TRPM6: variants seen among roughly 807,000 people sequenced by gnomAD.
The protein encoded by TRPM6 is channel kinase 2.
In TRPM6, 111 loss-of-function variants were observed where a neutral mutation model predicts 247.6. That is an observed-to-expected ratio of 0.45 (90% confidence interval 0.38 to 0.52). The LOEUF is 0.52. TRPM6 is among the 20% of genes least tolerant of loss of function. The probability of loss-of-function intolerance (pLI) is 0.00; values close to 1 mark genes in which losing one functional copy is unlikely to be tolerated. For missense variants in TRPM6, 2,126 were observed against 2,421.5 expected, an observed-to-expected ratio of 0.88 and a Z score of 2.56; for synonymous variants, 892 against 853.8, an observed-to-expected ratio of 1.04 and a Z score of -0.78.
chr9:74,827,753 G>A (rs1829392313), intron 7 of TRPM6, 25 bp downstream of exon 7: 2 of 1,613,356 alleles, frequency 1.2e-6, no homozygotes, highest in Non-Finnish European at 1.7e-6. Context: ...ACCAGACTGG[G>A]TGACTGAGCC....
chr9:74,770,944 C>G (rs1297815004), intron 25 of TRPM6, among the ~76,000 whole-genome samples: 1 of 152,200 alleles, frequency 6.6e-6, no homozygotes, highest in Non-Finnish European at 1.5e-5. Flanking sequence ...CTCTGCTTCT[C>G]CTATTCTGTC....
intron 37 of TRPM6, 112 bp from the exon 38 acceptor site, chr9:74,728,457 G>A: frequency 1.0e-5 from 8 of 781,614 alleles, no homozygotes; most frequent in South Asian, 2.9e-5. Flanking sequence ...ACTTGAAGGA[G>A]CCAACAAAAA....
chr9:74,741,851 T>C (rs753343811), intron 33 of TRPM6, among the ~76,000 whole-genome samples: 29 of 151,638 alleles, frequency 1.9e-4, no homozygotes, highest in Admixed American at 9.9e-4. Flanking sequence ...GATCCCGCCA[T>C]TGCACTCCAG....
chr9:74,825,512 T>C (rs1312181884), intron 7 of TRPM6, among the ~76,000 whole-genome samples: 1 of 151,888 alleles, frequency 6.6e-6, no homozygotes, highest in Non-Finnish European at 1.5e-5. Flanking sequence ...TGGCTTCTTG[T>C]TTTTGCTGTT....
At chr9:74,859,848 G>T (rs1236461365) in intron 1 of TRPM6, among the ~76,000 whole-genome samples, 1 of 151,606 alleles carries the variant, frequency 6.6e-6, no homozygotes, top group South Asian at 2.1e-4. Context: ...ATGAAAGGAA[G>T]GCTTTCTAAA....
intron 28 of TRPM6, among the ~76,000 whole-genome samples, chr9:74,753,884 C>T (rs903392189): frequency 1.3e-5 from 2 of 152,080 alleles, no homozygotes; most frequent in Admixed American, 6.6e-5. Flanking sequence ...GCCGGGCACT[C>T]GGATCAACCT....
At chr9:74,886,512 T>A (rs1439915297) in intron 1 of TRPM6, among the ~76,000 whole-genome samples, 1 of 150,770 alleles carries the variant, frequency 6.6e-6, no homozygotes, top group Non-Finnish European at 1.5e-5. Context: ...TCTTTTTTTC[T>A]CTTTTTTTTT....
At chr9:74,745,462 CGT>C (rs377055848) in intron 31 of TRPM6, among the ~76,000 whole-genome samples, 458 of 145,162 alleles carry the variant, frequency 3.2e-3, no homozygotes, top group African/African-American at 8.6e-3. Context: ...TGTGTGTGTG[CGT>C]GTGTGTGTGT....
chr9:74,846,749 A>AC (rs1830122040), intron 3 of TRPM6, among the ~76,000 whole-genome samples: 2 of 152,080 alleles, frequency 1.3e-5, no homozygotes, highest in Non-Finnish European at 2.9e-5. Flanking sequence ...GGGTTTCACC[A>AC]TGTTGCCCAG....
At chr9:74,822,604 A>G (rs905983222) in intron 7 of TRPM6, among the ~76,000 whole-genome samples, 2 of 152,060 alleles carry the variant, frequency 1.3e-5, no homozygotes, top group Non-Finnish European at 2.9e-5. Flanking sequence ...TAGGATGACA[A>G]CACTCAAAGA....
chr9:74,880,017 G>C (rs527740735), intron 1 of TRPM6, among the ~76,000 whole-genome samples: 41 of 152,054 alleles, frequency 2.7e-4, no homozygotes, highest in South Asian at 6.2e-4. Flanking sequence ...AACTGAATTG[G>C]AAGACACCTA....
intron 1 of TRPM6, among the ~76,000 whole-genome samples, chr9:74,878,353 A>G (rs1350772119): frequency 6.6e-6 from 1 of 152,176 alleles, no homozygotes; most frequent in African/African-American, 2.4e-5. Flanking sequence ...CAGTGTCAGC[A>G]TATGCCACCC....
intron 13 of TRPM6, among the ~76,000 whole-genome samples, chr9:74,810,472 A>G (rs1163884399): frequency 6.6e-6 from 1 of 152,202 alleles, no homozygotes; most frequent in Non-Finnish European, 1.5e-5. Context: ...TAACACAACC[A>G]CAAAGTTATT....
In TRPM6 at chr9:74,865,511, G is replaced by A. The variant is rs141786361; in HGVS notation, c.34-6763C>T. On this transcript the variant is annotated intron_variant, in intron 1 of 38. Transcript: ENST00000360774. ...CTGTCCCTCGATAGTAAAATACAGA[G>A]ATTTAACCAAATGCTGGGCCTATTT... Among the ~76,000 whole-genome samples the A allele has an allele frequency of 4.7e-3, 711 of 152,280 alleles. 7 individuals are homozygous for A. The highest frequency in any genetic ancestry group is 0.016 in the African/African-American group (656 of 41,548).
At chr9:74,752,214 C>A in intron 29 of TRPM6, 63 bp downstream of exon 29, 1 of 898,996 alleles carries the variant, frequency 1.1e-6, no homozygotes, top group South Asian at 1.4e-5. Flanking sequence ...GTAAAATGGG[C>A]GTAGTCAAGA....
chr9:74,877,783 G>A (rs930236023), intron 1 of TRPM6, among the ~76,000 whole-genome samples: 1 of 152,152 alleles, frequency 6.6e-6, no homozygotes, highest in South Asian at 2.1e-4. Flanking sequence ...CCTGTTTACA[G>A]CTTCTGCCAC....
chr9:74,735,782 A>G (rs1316989503), intron 36 of TRPM6, among the ~76,000 whole-genome samples: 1 of 152,162 alleles, frequency 6.6e-6, no homozygotes, highest in African/African-American at 2.4e-5. Context: ...ATTACAAGTG[A>G]TTGGAAATTG....
chr9:74,799,862 C>T, intron 17 of TRPM6: 1 of 276,988 alleles, frequency 3.6e-6, no homozygotes. Context: ...GGGAAGACCC[C>T]AGATCTTCTG....
Position 74,806,768 on chromosome 9 carries a change from T to C in TRPM6, c.1638+1266A>G, listed in dbSNP as rs531051959. ...TTACACAGCTACTAAAGAGCAAAAT[T>C]GGAGGCAGTCCTAGCCAGATGTCTC... On this transcript the variant is annotated intron_variant, in intron 14 of 38. Coordinates refer to ENST00000360774, the MANE Select transcript of TRPM6 (RefSeq NM_017662.5). Among the ~76,000 whole-genome samples, 6 of 152,300 alleles carry C rather than the reference T, an allele frequency of 3.9e-5. No homozygotes were observed. In the South Asian group the frequency reaches 1.2e-3, roughly 32 times the overall value.
Sources: gnomAD v4.1 joint callset for allele counts (sites outside exome capture counted in the v4.1 genomes callset) on GRCh38, gnomAD v4.1.1 for gene constraint, MANE v1.5 for transcripts, NCBI Gene and HGNC (gene_info 2026-07-23, HGNC 2026-07-21) for gene names.